The following OSBPL2 variants were observed in gnomAD, a reference collection of about 807,000 sequenced individuals.
OSBPL2 encodes oxysterol-binding protein-related protein 2.
OSBPL2 carries 18 observed loss-of-function variants against 58.4 expected under a neutral mutation model. The ratio of observed to expected loss-of-function variants is 0.31; its 90% CI spans 0.21 to 0.46. The LOEUF (loss-of-function observed/expected upper bound fraction) is 0.46. Ranked by LOEUF, OSBPL2 falls within the 20% of genes least tolerant of loss-of-function variation. OSBPL2 has a pLI of 1.00. For missense variants in OSBPL2, 461 were observed against 616.5 expected (o/e 0.75, Z 2.67); for synonymous variants, 221 against 234.1 (o/e 0.94, Z 0.51).
chr20:62,262,318 G>C (rs142146131), intron 3 of OSBPL2, among the ~76,000 whole-genome samples: 1 of 152,224 alleles, frequency 6.6e-6, no homozygotes, highest in Non-Finnish European at 1.5e-5. Context: ...AGCTGCAGGG[G>C]CCTCTTTCAG....
At chr20:62,252,987 GT>G (rs1980664522) in intron 1 of OSBPL2, among the ~76,000 whole-genome samples, 1 of 152,278 alleles carries the variant, frequency 6.6e-6, no homozygotes, top group Admixed American at 6.5e-5. Context: ...TCAACAGGAG[GT>G]TTGGTGGTGG....
intron 6 of OSBPL2, among the ~76,000 whole-genome samples, chr20:62,278,118 G>A (rs1982504011): frequency 6.6e-6 from 1 of 152,236 alleles, no homozygotes; most frequent in South Asian, 2.1e-4. Context: ...CGGGGCATCA[G>A]GGTGGAGGCC....
Position 62,271,093 on chromosome 20 carries a change from C to T in OSBPL2, c.259-1032C>T, listed in dbSNP as rs535840989. On this transcript the variant is annotated intron_variant, in intron 4 of 13. Transcript: ENST00000313733. The stretch of plus-strand genomic sequence containing the variant: ...TCCCTCTGCCTCTGCTTTGCCCACC[C>T]CAGACCCTGCTCCTTCCTGAAGAGC... 1.1e-4 allele frequency among the ~76,000 whole-genome samples: 16 copies of T among 152,204 alleles called. No homozygotes were observed. The East Asian group carries it at 2.9e-3, about 28-fold the overall frequency.
chr20:62,286,420 A>T (rs1399800522), intron 10 of OSBPL2, 163 bp from the exon 11 acceptor site: 19 of 728,924 alleles, frequency 2.6e-5, no homozygotes, highest in Non-Finnish European at 4.3e-5. Flanking sequence ...ATTGCACTCC[A>T]GCCTGGGCAA....
chr20:62,277,174 C>T (rs1001014673), intron 6 of OSBPL2, among the ~76,000 whole-genome samples: 3 of 152,150 alleles, frequency 2.0e-5, no homozygotes, highest in Non-Finnish European at 4.4e-5. Context: ...TCACTTGAAC[C>T]TGGAGGCGGA....
At chr20:62,292,882 A>ATTTT (rs35975453) in intron 13 of OSBPL2, among the ~76,000 whole-genome samples, 7 of 140,972 alleles carry the variant, frequency 5.0e-5, no homozygotes, top group Non-Finnish European at 6.1e-5. Context: ...ACCTTTCCTC[A>ATTTT]TTTTTTTTTT....
intron 1 of OSBPL2, among the ~76,000 whole-genome samples, chr20:62,245,473 C>T (rs1980043946): frequency 6.6e-6 from 1 of 152,202 alleles, no homozygotes; most frequent in African/African-American, 2.4e-5. Context: ...CGTAGAGCCC[C>T]ACGCTAAGAA....
intron 4 of OSBPL2, among the ~76,000 whole-genome samples, chr20:62,270,333 T>C (rs945442248): frequency 2.0e-5 from 3 of 150,838 alleles, no homozygotes; most frequent in African/African-American, 7.3e-5. Flanking sequence ...CTCTGGGTCC[T>C]CTCCTTGTCC....
intron 6 of OSBPL2, among the ~76,000 whole-genome samples, chr20:62,274,732 C>T (rs768662823): frequency 1.3e-4 from 20 of 152,188 alleles, no homozygotes; most frequent in Non-Finnish European, 2.4e-4. Context: ...GCTGGAGGGG[C>T]GTGGGTGGTT....
intron 12 of OSBPL2, among the ~76,000 whole-genome samples, chr20:62,290,063 G>T (rs1034356087): frequency 6.6e-6 from 1 of 152,212 alleles, no homozygotes. Context: ...ACTGGCACGT[G>T]TGTGGCGTGT....
chr20:62,256,892 C>T (rs1980960742), intron 2 of OSBPL2, among the ~76,000 whole-genome samples: 1 of 152,226 alleles, frequency 6.6e-6, no homozygotes. Flanking sequence ...TTGTCAGGTC[C>T]TCATGTTCAT....
At chr20:62,292,959 T>C (rs1983619698) in intron 13 of OSBPL2, among the ~76,000 whole-genome samples, 1 of 149,466 alleles carries the variant, frequency 6.7e-6, no homozygotes, top group Non-Finnish European at 1.5e-5. Context: ...GCTCCGCCCC[T>C]CCGGGTTCAC....
chr20:62,257,740 AGTCTTGCTTTGTCGCCCAG>A (rs1981023344), intron 2 of OSBPL2, among the ~76,000 whole-genome samples: 1 of 145,098 alleles, frequency 6.9e-6, no homozygotes, highest in Admixed American at 6.9e-5. Context: ...TTTGAGCCAG[AGTCTTGCTTTGTCGCCCAG>A]GCTGGAGTGC....
At chr20:62,258,190 C>A (rs185808152) in intron 2 of OSBPL2, among the ~76,000 whole-genome samples, 1 of 152,268 alleles carries the variant, frequency 6.6e-6, no homozygotes, top group African/African-American at 2.4e-5. Flanking sequence ...GTGGAAGGGA[C>A]AGACATCTAG....
intron 1 of OSBPL2, among the ~76,000 whole-genome samples, chr20:62,248,750 G>GAGCAATCAT (rs1247983433): frequency 1.3e-5 from 2 of 152,010 alleles, no homozygotes; most frequent in Non-Finnish European, 2.9e-5. Flanking sequence ...GAGTGCAGTG[G>GAGCAATCAT]AGCAATCATA....
intron 1 of OSBPL2, among the ~76,000 whole-genome samples, chr20:62,243,366 G>C (rs1271938130): frequency 6.6e-6 from 1 of 152,240 alleles, no homozygotes; most frequent in Non-Finnish European, 1.5e-5. Context: ...AGCCAGGGCA[G>C]TGCCTGAGCT....
chr20:62,254,094 G>A (rs79468410), intron 1 of OSBPL2, among the ~76,000 whole-genome samples: 1,702 of 152,210 alleles, frequency 0.011, 18 homozygotes, highest in Non-Finnish European at 0.015. Context: ...CAACACGCCC[G>A]GCCGACTCAC....
intron 6 of OSBPL2, 47 bp from the exon 7 acceptor site, chr20:62,279,110 T>C: frequency 6.6e-7 from 1 of 1,525,364 alleles, no homozygotes; most frequent in Non-Finnish European, 8.9e-7. Flanking sequence ...CCCTTTCTTT[T>C]ATTTTGCTGC....
At chr20:62,256,994 A>G (rs1334935184) in intron 2 of OSBPL2, among the ~76,000 whole-genome samples, 1 of 152,240 alleles carries the variant, frequency 6.6e-6, no homozygotes, top group African/African-American at 2.4e-5. Context: ...GCATCAGGAG[A>G]TTCTCCTTGA....
Sources: allele counts gnomAD v4.1 joint callset (sites outside exome capture counted in the v4.1 genomes callset), GRCh38; gene constraint gnomAD v4.1.1; transcripts MANE v1.5; gene names NCBI Gene and HGNC (gene_info 2026-07-23, HGNC 2026-07-21).